Variants in HECTD4 observed in about 807,000 individuals in gnomAD.
HECTD4 encodes HECT domain E3 ubiquitin protein ligase 4.
A neutral mutation model predicts 471.5 loss-of-function variants in HECTD4; 114 were observed. The ratio of observed to expected loss-of-function variants is 0.24; its 90% CI spans 0.21 to 0.28. The LOEUF (loss-of-function observed/expected upper bound fraction) is 0.28, where lower values mean the gene tolerates loss of function less well. HECTD4 is among the 10% of genes least tolerant of loss of function. The pLI, the probability that HECTD4 is intolerant of heterozygous loss-of-function variation, is 1.00. For missense variants in HECTD4, 3,866 were observed against 5,651.5 expected, an observed-to-expected ratio of 0.68 and a Z score of 10.13; for synonymous variants, 2,012 against 2,256.0, an observed-to-expected ratio of 0.89 and a Z score of 3.07.
chr12:112,250,901 A>G, intron 24 of HECTD4, 70 bp downstream of exon 24: 1 of 1,452,918 alleles, frequency 6.9e-7, no homozygotes, highest in Non-Finnish European at 9.2e-7. Context: ...AATGTACCAA[A>G]AGGATTTTTC....
chr12:112,217,204 G>A lies in HECTD4; in HGVS notation c.7075-9C>T. On this transcript the variant is annotated splice_polypyrimidine_tract_variant and intron_variant, in intron 45 of 75. Coordinates refer to ENST00000682272, the MANE Select transcript of HECTD4 (RefSeq NM_001388303.1). ...CAAGTAATCTCTTTGGGCTGCATCA[G>A]GGAGAAAAACCCATATTCAGTAGAA... 2.0e-6 allele frequency: 3 copies of A among 1,495,060 alleles called. No homozygotes were observed. The highest frequency in any genetic ancestry group is 2.7e-6 in the Non-Finnish European group (3 of 1,121,596). 92.6% of individuals were successfully genotyped at this position (1,495,060 alleles called of 1,614,324 possible). A position where few individuals can be genotyped will look rare whatever the true frequency, so the allele number is the denominator to read the frequency against.
chr12:112,239,852 C>G lies in HECTD4; in HGVS notation c.5105+29G>C, dbSNP rs771322258. 5 of 1,587,446 alleles carry G rather than the reference C, an allele frequency of 3.1e-6. No homozygotes were observed. Among genetic ancestry groups the G allele is most frequent in the African/African-American group, 2.7e-5 (2 of 74,354 alleles). On this transcript the variant is annotated intron_variant, in intron 33 of 75. Coordinates refer to ENST00000682272, the MANE Select transcript of HECTD4 (RefSeq NM_001388303.1). This position sits in a 1 kb window ranked among gnomAD's most constrained non-coding sequence, Gnocchi z 4.9. ...ATCGACTATACTGCAGGGTAACTTA[C>G]ATACAACAAAAGGCCTTTCCGTACT...
At chr12:112,294,924 T>A (rs1171778174) in intron 7 of HECTD4, among the ~76,000 whole-genome samples, 2 of 152,130 alleles carry the variant, frequency 1.3e-5, no homozygotes, top group Non-Finnish European at 1.5e-5. Context: ...GGGAAACCAA[T>A]ACTTCCAGTC....
chr12:112,273,936 T>C, intron 10 of HECTD4, 141 bp from the exon 11 acceptor site: 2 of 923,366 alleles, frequency 2.2e-6, no homozygotes, highest in Non-Finnish European at 3.1e-6. Context: ...ACAGATTTAT[T>C]TGGTAAGGCA....
chr12:112,250,861 T>G, intron 24 of HECTD4, 110 bp downstream of exon 24: 1 of 1,034,768 alleles, frequency 9.7e-7, no homozygotes, highest in Non-Finnish European at 1.4e-6. Context: ...ACCCATGAGA[T>G]TGCCAGGCAG....
Position 112,175,930 on chromosome 12 carries a change from C to T in HECTD4, c.11471-71G>A, listed in dbSNP as rs573691649. On this transcript the variant is annotated intron_variant, in intron 65 of 75. Coordinates refer to ENST00000682272, the MANE Select transcript of HECTD4 (RefSeq NM_001388303.1). ...CATCGCGCGCCTCCAACGTGCTCTG[C>T]TCTCACCACAGCCTCTCCCCTACGG... 6 of 1,571,928 alleles carry T rather than the reference C, an allele frequency of 3.8e-6. No homozygotes were observed. In the East Asian group the frequency reaches 1.1e-4, roughly 30 times the overall value.
chr12:112,223,984 A>G (rs1269295504), intron 44 of HECTD4, among the ~76,000 whole-genome samples: 1 of 152,150 alleles, frequency 6.6e-6, no homozygotes, highest in Non-Finnish European at 1.5e-5. Flanking sequence ...TTTCATATAT[A>G]AAGTAAAAAA....
At chr12:112,330,075 G>A (rs1014940125) in intron 1 of HECTD4, among the ~76,000 whole-genome samples, 1 of 152,060 alleles carries the variant, frequency 6.6e-6, no homozygotes, top group East Asian at 1.9e-4. Context: ...TCAGGAGATC[G>A]AGACCAGCCT....
chr12:112,360,852 C>T (rs907153928), intron 1 of HECTD4, among the ~76,000 whole-genome samples: 3 of 151,860 alleles, frequency 2.0e-5, no homozygotes, highest in Non-Finnish European at 2.9e-5. Flanking sequence ...GGCATGGTGG[C>T]GCATGCCTAT....
At chr12:112,199,618 A>G (rs1224267711) in intron 55 of HECTD4, among the ~76,000 whole-genome samples, 1 of 152,244 alleles carries the variant, frequency 6.6e-6, no homozygotes, top group Admixed American at 6.5e-5. Context: ...ATGGAAAGGA[A>G]TAATTCTCAG....
At position 112,256,471 on chromosome 12, in the gene HECTD4, A is replaced by G. The variant is rs773020677; in HGVS notation, c.3176T>C (p.Ile1059Thr). ...EEPGFLTGLK[I>T]PAPWAAGKTV... is the part of the protein sequence containing the mutation. ...CTTTCCAGCAGCCCATGGGGCAGGA[A>G]TCTTTAAACCAGTGAGAAATCCTGG... The change falls in exon 21 of 76, where the codon ATT (isoleucine) becomes ACT (threonine). Residue 1059 changes from isoleucine to threonine, a missense_variant. Transcript: ENST00000682272. 6.2e-7 allele frequency: 1 copy of G among 1,608,912 alleles called. No individual in the cohort carries two copies. The highest frequency in any genetic ancestry group is 1.1e-5 in the South Asian group (1 of 89,700).
At chr12:112,216,717 C>G (rs997593984) in intron 47 of HECTD4, 56 bp downstream of exon 47, 1 of 1,590,102 alleles carries the variant, frequency 6.3e-7, no homozygotes, top group African/African-American at 1.3e-5. Context: ...AACACCTATA[C>G]ACACCTTGTG....
intron 7 of HECTD4, among the ~76,000 whole-genome samples, chr12:112,289,186 A>G (rs2034822542): frequency 6.6e-6 from 1 of 151,926 alleles, no homozygotes; most frequent in African/African-American, 2.4e-5. Context: ...TGCAGCCTTG[A>G]CCTTCAGGGC....
chr12:112,319,684 C>A lies in HECTD4; in HGVS notation c.236G>T (p.Cys79Phe). ...SELAERLRSV[C>F]GNQSNAYARL... is the part of the protein sequence containing the mutation. The stretch of plus-strand genomic sequence containing the variant: ...GGCATAGGCATTGCTCTGATTCCCA[C>A]AAACAGAGCGCAAACGTTCTGCTAA... Residue 79 changes from cysteine (C) to phenylalanine (F), a missense_variant, in exon 2 of 76, where the codon TGT (cysteine) becomes TTT (phenylalanine). Physicochemically the swap from Cys to Phe is radical, Grantham distance 205. Transcript: ENST00000682272. This position sits in a 1 kb window ranked among gnomAD's most constrained non-coding sequence, Gnocchi z 5.3. 7.7e-7 allele frequency: 1 copy of A among 1,304,210 alleles called. No individual in the cohort carries two copies. Among genetic ancestry groups the A allele is most frequent in the Non-Finnish European group, 9.7e-7 (1 of 1,029,748 alleles). 80.8% of individuals were successfully genotyped at this position (1,304,210 alleles called of 1,614,324 possible).
rs1594009858 is a variant in HECTD4, at chr12:112,284,608, CT to C, written c.1336-1307del. On this transcript the variant is annotated intron_variant, in intron 7 of 75. Coordinates refer to ENST00000682272, the MANE Select transcript of HECTD4 (RefSeq NM_001388303.1). ...AGATTTGTTACAGAGTCCAAAAATG[CT>C]GTTTCTATTTCCCCATCCCCTGCTT... is the stretch of plus-strand genomic sequence containing the variant. Among the ~76,000 whole-genome samples, 3 of 152,202 alleles carry C rather than the reference CT, an allele frequency of 2.0e-5. No homozygotes were observed. In the East Asian group the frequency reaches 5.8e-4, roughly 29 times the overall value.
Position 112,226,663 on chromosome 12 carries a change from A to C in HECTD4, c.6950T>G (p.Val2317Gly). ...CPAAVEVLNLVAQECSAGERL... is the reference protein window; with the variant it reads ...CPAAVEVLNLGAQECSAGERL... ...CTCACCAGCACTACATTCCTGGGCT[A>C]CTAGGTTAAGAACTTCAACAGCTGC... The change falls in exon 44 of 76, where the codon GTA (valine) becomes GGA (glycine). Residue 2317 changes from valine (V) to glycine (G), a missense_variant. By Grantham distance (109) the Val-to-Gly change is moderately radical. Coordinates refer to ENST00000682272, the MANE Select transcript of HECTD4 (RefSeq NM_001388303.1). The C allele has an allele frequency of 6.2e-7, 1 of 1,611,522 alleles. No homozygotes were observed. Among genetic ancestry groups the C allele is most frequent in the Non-Finnish European group, 8.5e-7 (1 of 1,178,534 alleles).
chr12:112,317,981 A>T (rs892752333), intron 2 of HECTD4, among the ~76,000 whole-genome samples: 8 of 151,184 alleles, frequency 5.3e-5, no homozygotes, highest in African/African-American at 1.9e-4. Context: ...AAAAAAAAAA[A>T]AAGAGAGGAA....
chr12:112,222,953 A>G (rs1030408509), intron 44 of HECTD4, among the ~76,000 whole-genome samples: 1 of 152,212 alleles, frequency 6.6e-6, no homozygotes, highest in Admixed American at 6.5e-5. Context: ...TGGTGCATTC[A>G]TGAGGCTGGG....
chr12:112,245,323 G>C (rs2033736819), intron 29 of HECTD4, among the ~76,000 whole-genome samples: 1 of 152,088 alleles, frequency 6.6e-6, no homozygotes, highest in Non-Finnish European at 1.5e-5. Context: ...TTTTGTATCT[G>C]TCTTAAGAGT....
Sources: gnomAD v4.1 joint callset for allele counts (sites outside exome capture counted in the v4.1 genomes callset) on GRCh38, gnomAD v4.1.1 for gene constraint, Gnocchi (gnomAD v3.1) non-coding constraint, MANE v1.5 for transcripts, NCBI Gene and HGNC (gene_info 2026-07-23, HGNC 2026-07-21) for gene names.